The following ARB2A variants were observed in gnomAD, a reference collection of about 807,000 sequenced individuals.
The protein encoded by ARB2A is cotranscriptional regulator ARB2A.
chr5:93,642,361 CCAT>C, the ARB2A span, among the ~76,000 whole-genome samples: 2 of 151,664 alleles, frequency 1.3e-5, no homozygotes, highest in African/African-American at 4.8e-5. Context: ...GAGCCCACCA[CCAT>C]ACCTGGCTAA....
At chr5:94,075,034 A>G in the ARB2A span, among the ~76,000 whole-genome samples, 1 of 152,132 alleles carries the variant, frequency 6.6e-6, no homozygotes. Context: ...ACAATACCTT[A>G]TACATTACAG....
chr5:93,740,635 G>A, the ARB2A span: 1 of 1,612,218 alleles, frequency 6.2e-7, no homozygotes, highest in South Asian at 1.1e-5. Flanking sequence ...TACCCCTGCA[G>A]AGTAGAGACG....
At chr5:93,769,454 AT>A in the ARB2A span, among the ~76,000 whole-genome samples, 1 of 152,144 alleles carries the variant, frequency 6.6e-6, no homozygotes, top group Admixed American at 6.5e-5. Context: ...TTCTATTTGA[AT>A]TTCCTGCCAT....
At chr5:93,981,669 T>C in the ARB2A span, among the ~76,000 whole-genome samples, 1 of 151,796 alleles carries the variant, frequency 6.6e-6, no homozygotes, top group Non-Finnish European at 1.5e-5. Flanking sequence ...TAATAAAATA[T>C]TTAATATACA....
At chr5:93,713,044 C>G in the ARB2A span, among the ~76,000 whole-genome samples, 4 of 152,022 alleles carry the variant, frequency 2.6e-5, no homozygotes, top group Non-Finnish European at 5.9e-5. Flanking sequence ...TCACCATATA[C>G]AAAAATCAAA....
At chr5:93,652,711 C>G in the ARB2A span, among the ~76,000 whole-genome samples, 1 of 152,148 alleles carries the variant, frequency 6.6e-6, no homozygotes, top group Non-Finnish European at 1.5e-5. Flanking sequence ...ATTTAAAGTT[C>G]TGATTTAAAG....
chr5:93,684,002 T>G, the ARB2A span, among the ~76,000 whole-genome samples: 8 of 152,202 alleles, frequency 5.3e-5, no homozygotes, highest in Non-Finnish European at 1.2e-4. Context: ...AGTACTTGCA[T>G]TAATACGTGC....
chr5:93,998,705 T>C, the ARB2A span, among the ~76,000 whole-genome samples: 1 of 151,966 alleles, frequency 6.6e-6, no homozygotes, highest in Non-Finnish European at 1.5e-5. Flanking sequence ...CCATTTAACA[T>C]GAACTAATGC....
the ARB2A span, among the ~76,000 whole-genome samples, chr5:94,053,561 G>A: frequency 1.3e-5 from 2 of 151,978 alleles, no homozygotes; most frequent in Non-Finnish European, 2.9e-5. Flanking sequence ...CTTTTCAAAA[G>A]TCATCAAATC....
the ARB2A span, among the ~76,000 whole-genome samples, chr5:94,008,268 A>G: frequency 4.6e-5 from 7 of 152,220 alleles, no homozygotes; most frequent in African/African-American, 9.6e-5. Flanking sequence ...AAGGATTAAC[A>G]TGTTTAAGAA....
chr5:94,036,017 T>TA, the ARB2A span, among the ~76,000 whole-genome samples: 1 of 150,888 alleles, frequency 6.6e-6, no homozygotes, highest in African/African-American at 2.4e-5. Context: ...AAAAATAAAA[T>TA]TAAAAAAAAC....
chr5:93,993,739 T>C, the ARB2A span, among the ~76,000 whole-genome samples: 13 of 151,624 alleles, frequency 8.6e-5, no homozygotes, highest in Admixed American at 2.6e-4. Context: ...TGTTAGAAAA[T>C]TTCCAGTAAG....
chr5:93,893,218 C>G, the ARB2A span, among the ~76,000 whole-genome samples: 2 of 152,118 alleles, frequency 1.3e-5, no homozygotes, highest in African/African-American at 4.8e-5. Flanking sequence ...AAACACTGCA[C>G]AGCACGCCAG....
chr5:93,841,417 T>A, the ARB2A span, among the ~76,000 whole-genome samples: 4 of 152,306 alleles, frequency 2.6e-5, no homozygotes, highest in Admixed American at 2.0e-4. Flanking sequence ...TGATTTAAAG[T>A]CTATGGGAGG....
the ARB2A span, among the ~76,000 whole-genome samples, chr5:93,769,491 A>G: frequency 6.6e-6 from 1 of 152,142 alleles, no homozygotes; most frequent in Non-Finnish European, 1.5e-5. Context: ...ATGTTGAACA[A>G]TTAATCTTTT....
At chr5:93,874,636 G>A in the ARB2A span, among the ~76,000 whole-genome samples, 4 of 152,150 alleles carry the variant, frequency 2.6e-5, no homozygotes, top group African/African-American at 7.2e-5. Flanking sequence ...GCAAGTTATT[G>A]AAACTGAGGA....
the ARB2A span, among the ~76,000 whole-genome samples, chr5:93,711,525 C>T: frequency 9.2e-5 from 14 of 152,078 alleles, no homozygotes; most frequent in African/African-American, 2.9e-4. Flanking sequence ...TGAACCCAGG[C>T]AGGACTTCCG....
At chr5:93,847,441 TA>T in the ARB2A span, among the ~76,000 whole-genome samples, 2 of 152,254 alleles carry the variant, frequency 1.3e-5, no homozygotes, top group African/African-American at 4.8e-5. Context: ...CCATTCTATT[TA>T]AAAAATTTCT....
chr5:93,899,024 T>C, the ARB2A span, among the ~76,000 whole-genome samples: 1 of 152,126 alleles, frequency 6.6e-6, no homozygotes, highest in Non-Finnish European at 1.5e-5. Flanking sequence ...CAATATAACA[T>C]GCTACATAAT....
Sources: gnomAD v4.1 joint callset for allele counts (sites outside exome capture counted in the v4.1 genomes callset) on GRCh38, gnomAD v4.1.1 for gene constraint, MANE v1.5 for transcripts, NCBI Gene and HGNC (gene_info 2026-07-23, HGNC 2026-07-21) for gene names.